The following EPM2A variants were observed in gnomAD, a reference collection of about 807,000 sequenced individuals.
The protein encoded by EPM2A is EPM2A glucan phosphatase, laforin.
Under a neutral mutation model 26.5 loss-of-function variants are expected in EPM2A, and 21 were observed. The ratio of observed to expected loss-of-function variants is 0.79; its 90% CI spans 0.56 to 1.14. The LOEUF is 1.14. EPM2A is among the 50% of genes most tolerant of loss of function. The probability of loss-of-function intolerance (pLI) is 0.00; values close to 1 mark genes in which losing one functional copy is unlikely to be tolerated. For missense variants in EPM2A, 458 were observed against 440.8 expected (o/e 1.04, Z -0.35); for synonymous variants, 217 against 177.6 (o/e 1.22, Z -1.76).
chr6:145,631,416 T>G (rs1333362495), intron 3 of EPM2A: 2 of 152,134 alleles, frequency 1.3e-5, no homozygotes, highest in African/African-American at 4.8e-5. Context: ...TGCTGACAAC[T>G]AAGTTGAAAA....
intron 2 of EPM2A, among the ~76,000 whole-genome samples, chr6:145,575,848 T>C (rs185319714): frequency 6.6e-6 from 1 of 152,304 alleles, no homozygotes; most frequent in East Asian, 1.9e-4. Flanking sequence ...AAGAACTCCA[T>C]TCTTAATATT....
In EPM2A at chr6:145,560,164, A is replaced by G. The variant is rs574787518; in HGVS notation, c.341-57589T>C. On this transcript the variant is annotated intron_variant, in intron 2 of 3. Transcript: ENST00000450221. ...TAGTGAGGTCAGCAGCAAAATCCAC[A>G]TAGAATGAACAATTTGCCTCAATGA... Among the ~76,000 whole-genome samples, 23 of 152,248 alleles carry G rather than the reference A, an allele frequency of 1.5e-4. 1 individual carries two copies. In the South Asian group the frequency reaches 4.8e-3, roughly 32 times the overall value.
At chr6:145,499,576 G>A (rs1228857374), downstream of EPM2A, among the ~76,000 whole-genome samples, 2 of 152,166 alleles carry the variant, frequency 1.3e-5, no homozygotes, top group Non-Finnish European at 2.9e-5. Flanking sequence ...TGCTCTGTAT[G>A]AGCAGAAACA....
At chr6:145,437,501 A>G (rs1347901630) in intron 4 of EPM2A, among the ~76,000 whole-genome samples, 1 of 152,208 alleles carries the variant, frequency 6.6e-6, no homozygotes, top group East Asian at 1.9e-4. Context: ...AAAAAAAGCT[A>G]TTTGATTTCT....
intron 2 of EPM2A, among the ~76,000 whole-genome samples, chr6:145,561,814 T>C (rs1780808820): frequency 6.6e-6 from 1 of 152,126 alleles, no homozygotes; most frequent in Non-Finnish European, 1.5e-5. Context: ...TGTTTACATG[T>C]TGCAAATTCT....
At chr6:145,734,054 T>A (rs77998691) in intron 1 of EPM2A, among the ~76,000 whole-genome samples, 1 of 151,756 alleles carries the variant, frequency 6.6e-6, no homozygotes, top group Admixed American at 6.6e-5. Flanking sequence ...AATGAAGTGT[T>A]AAAAAAAATG....
chr6:145,588,590 T>A (rs1781229362), intron 2 of EPM2A, among the ~76,000 whole-genome samples: 1 of 152,218 alleles, frequency 6.6e-6, no homozygotes, highest in Non-Finnish European at 1.5e-5. Flanking sequence ...CTATGTTGTT[T>A]TTTCCTTTGA....
chr6:145,480,430 T>G (rs1221801648), intron 4 of EPM2A, among the ~76,000 whole-genome samples: 1 of 152,060 alleles, frequency 6.6e-6, no homozygotes, highest in African/African-American at 2.4e-5. Flanking sequence ...AGGATTACAA[T>G]TAGACATGAG....
chr6:145,513,492 A>G lies in EPM2A; in HGVS notation c.341-10917T>C, dbSNP rs1375634032. Among the ~76,000 whole-genome samples, 7 of 152,352 alleles carry G rather than the reference A, an allele frequency of 4.6e-5. No homozygotes were observed. In the East Asian group the frequency reaches 1.3e-3, roughly 29 times the overall value. On this transcript the variant is annotated intron_variant, in intron 2 of 3. Transcript: ENST00000450221. ...AACCTCTATGGAAAATATTATGGCG[A>G]TATCTCAAAGAACTGAAAATAGAAC...
At chr6:145,503,066 T>C (rs1285702471) in intron 2 of EPM2A, among the ~76,000 whole-genome samples, 1 of 152,214 alleles carries the variant, frequency 6.6e-6, no homozygotes, top group East Asian at 1.9e-4. Context: ...AATTTATAAA[T>C]GAAAATGCTA....
At chr6:145,652,017 A>G (rs547489924) in intron 2 of EPM2A, among the ~76,000 whole-genome samples, 1 of 152,298 alleles carries the variant, frequency 6.6e-6, no homozygotes, top group Admixed American at 6.5e-5. Flanking sequence ...GAAACACTAA[A>G]TAATTCAATT....
intron 2 of EPM2A, among the ~76,000 whole-genome samples, chr6:145,506,890 T>C (rs9390329): frequency 0.47 from 71,487 of 152,044 alleles, 16,823 homozygotes; most frequent in South Asian, 0.6. Flanking sequence ...AGAGAATAGA[T>C]GAGAAACAAG....
At chr6:145,726,733 C>A (rs985955375) in intron 1 of EPM2A, among the ~76,000 whole-genome samples, 2 of 151,920 alleles carry the variant, frequency 1.3e-5, no homozygotes, top group Non-Finnish European at 1.5e-5. Flanking sequence ...GAATACTATT[C>A]AAAACTTTTA....
chr6:145,450,073 G>C (rs887294047), intron 4 of EPM2A, among the ~76,000 whole-genome samples: 4 of 151,768 alleles, frequency 2.6e-5, no homozygotes, highest in African/African-American at 7.3e-5. Context: ...CTGAAACCAG[G>C]CCTGGTGTGG....
intron 2 of EPM2A, among the ~76,000 whole-genome samples, chr6:145,569,706 C>A (rs544051710): frequency 1.3e-5 from 2 of 152,174 alleles, no homozygotes; most frequent in South Asian, 2.1e-4. Context: ...TTATTTGAGA[C>A]TTTATGGTGT....
chr6:145,654,148 T>C (rs574656721), intron 2 of EPM2A, among the ~76,000 whole-genome samples: 2 of 152,116 alleles, frequency 1.3e-5, no homozygotes, highest in African/African-American at 4.8e-5. Context: ...TCAAGTGATA[T>C]ATATTATTAA....
intron 1 of EPM2A, among the ~76,000 whole-genome samples, chr6:145,696,199 G>T (rs1187436820): frequency 6.6e-6 from 1 of 151,934 alleles, no homozygotes; most frequent in Non-Finnish European, 1.5e-5. Flanking sequence ...GGAATCAAAA[G>T]GGAAATTAAA....
At chr6:145,604,737 A>G (rs1781460060) in intron 2 of EPM2A, among the ~76,000 whole-genome samples, 1 of 152,168 alleles carries the variant, frequency 6.6e-6, no homozygotes, top group Non-Finnish European at 1.5e-5. Flanking sequence ...GAATCTTTCA[A>G]AGAAATAGAA....
intron 4 of EPM2A, among the ~76,000 whole-genome samples, chr6:145,458,069 C>T (rs1779283813): frequency 6.6e-6 from 1 of 152,196 alleles, no homozygotes; most frequent in Non-Finnish European, 1.5e-5. Context: ...AGTTTCAGTG[C>T]TACACTCACC....
Sources: allele counts gnomAD v4.1 joint callset (sites outside exome capture counted in the v4.1 genomes callset), GRCh38; gene constraint gnomAD v4.1.1; transcripts MANE v1.5; gene names NCBI Gene and HGNC (gene_info 2026-07-23, HGNC 2026-07-21).